Variants in ADD3 observed in about 807,000 individuals in gnomAD.
The protein encoded by ADD3 is adducin 3, also known as gamma-adducin.
ADD3 carries 25 observed loss-of-function variants against 80.2 expected under a neutral mutation model. The observed-to-expected ratio is 0.31, with a 90% CI of 0.23 to 0.44. ADD3 has a LOEUF of 0.44. Among genes scored for constraint, ADD3 ranks in the 20% least tolerant of loss-of-function variants. The pLI is 1.00. For missense variants in ADD3, 829 were observed against 847.5 expected (o/e 0.98, Z 0.27); for synonymous variants, 284 against 289.6 (o/e 0.98, Z 0.20).
chr10:110,032,688 A>G (rs1235055043), intron 1 of ADD3, among the ~76,000 whole-genome samples: 3 of 152,206 alleles, frequency 2.0e-5, no homozygotes, highest in African/African-American at 7.2e-5. Flanking sequence ...GTGTAACCTT[A>G]TGAAAGTGTT....
At chr10:110,015,589 T>A (rs1305702665) in intron 1 of ADD3, among the ~76,000 whole-genome samples, 2 of 152,118 alleles carry the variant, frequency 1.3e-5, no homozygotes, top group African/African-American at 4.8e-5. Context: ...TTAGCCCGGA[T>A]GGTCTCGATC....
intron 5 of ADD3, among the ~76,000 whole-genome samples, chr10:110,118,019 TACACACACACAC>T (rs148105742): frequency 0.083 from 10,416 of 125,596 alleles, 486 homozygotes; most frequent in East Asian, 0.16. Flanking sequence ...CTGTCTTCAA[TACACACACACAC>T]ACACACACAC....
At chr10:110,074,446 T>C (rs574080717) in intron 1 of ADD3, among the ~76,000 whole-genome samples, 34 of 152,250 alleles carry the variant, frequency 2.2e-4, no homozygotes, top group African/African-American at 7.7e-4. Flanking sequence ...GTCCTGTCTA[T>C]GTTGTATTTG....
intron 12 of ADD3, among the ~76,000 whole-genome samples, chr10:110,130,058 G>T (rs1852750096): frequency 2.6e-5 from 4 of 151,754 alleles, no homozygotes; most frequent in African/African-American, 9.7e-5. Flanking sequence ...TTTTTTTCAA[G>T]TTTTTTTTAT....
At chr10:109,997,453 A>C (rs1244900405) in intron 1 of ADD3, 1 of 152,248 alleles carries the variant, frequency 6.6e-6, no homozygotes, top group Non-Finnish European at 1.5e-5. Flanking sequence ...ACAGACCTGT[A>C]AATAGGGATA....
chr10:110,040,098 A>AG (rs1412428309), intron 1 of ADD3, among the ~76,000 whole-genome samples: 1 of 152,214 alleles, frequency 6.6e-6, no homozygotes, highest in Non-Finnish European at 1.5e-5. Context: ...GAATACCAGG[A>AG]GGATGGGATG....
At chr10:110,130,869 CAG>C (rs1852884941) in intron 13 of ADD3, among the ~76,000 whole-genome samples, 1 of 147,952 alleles carries the variant, frequency 6.8e-6, no homozygotes, top group Non-Finnish European at 1.5e-5. Flanking sequence ...AAAAAAAAAA[CAG>C]AAAAAGAAAA....
chr10:110,118,603 T>TA lies in ADD3; in HGVS notation c.585dup (p.Gly196ArgfsTer5), dbSNP rs1851077961. ...TTTTTCCAGGTGAAAGTCAATATAA[T>TA]AGGAGAAGTGGTTGACCAGGGAAGT... On this transcript the variant is annotated frameshift_variant, in exon 6 of 15. Transcript: ENST00000356080. LOFTEE classifies it high-confidence loss of function. The TA allele has an allele frequency of 6.2e-7, 1 of 1,613,706 alleles. No individual in the cohort carries two copies. Among genetic ancestry groups the TA allele is most frequent in the African/African-American group, 1.3e-5 (1 of 74,906 alleles).
In ADD3 at chr10:110,036,441, G is replaced by A. The variant is rs142957967; in HGVS notation, c.-30+28142G>A. Among the ~76,000 whole-genome samples the A allele has an allele frequency of 9.7e-5, 14 of 144,938 alleles. No homozygotes were observed. In the East Asian group the frequency reaches 2.8e-3, roughly 29 times the overall value. ...GTCGCCCGGGCTGGAGTGCAGTGGCGTGGTCTCAGCTCACTGCAAGCCCCG... is the reference window on the plus strand; with the variant it reads ...GTCGCCCGGGCTGGAGTGCAGTGGCATGGTCTCAGCTCACTGCAAGCCCCG... On this transcript the variant is annotated intron_variant, in intron 1 of 14. Transcript: ENST00000356080.
At chr10:110,090,598 T>C (rs1229364991) in intron 1 of ADD3, among the ~76,000 whole-genome samples, 2 of 152,224 alleles carry the variant, frequency 1.3e-5, no homozygotes, top group Admixed American at 6.5e-5. Context: ...ATCTAACTGC[T>C]TTGTTCCAAT....
rs779768563 is a variant in ADD3, at chr10:110,100,687, ACTC to A, written c.45_47del (p.Pro16del). 57 of 1,611,306 alleles carry A rather than the reference ACTC, an allele frequency of 3.5e-5. No homozygotes were observed. Among genetic ancestry groups the A allele is most frequent in the Middle Eastern group, 1.6e-4 (1 of 6,070 alleles). On this transcript the variant is annotated inframe_deletion, in exon 2 of 15. Transcript: ENST00000356080. Reference sequence around the variant, plus strand: ...AGATGCCAGCCAAGGCGTGATTACCACTCCTCCTCCTCCCAGCATGCCTCACAA... The same window carrying A: ...AGATGCCAGCCAAGGCGTGATTACCACTCCTCCTCCCAGCATGCCTCACAA...
At chr10:110,040,434 A>G (rs58446467) in intron 1 of ADD3, among the ~76,000 whole-genome samples, 44 of 152,344 alleles carry the variant, frequency 2.9e-4, no homozygotes, top group African/African-American at 9.6e-4. Context: ...GCCAATTAAT[A>G]TATGTACCCA....
At chr10:110,056,127 A>G (rs981915758) in intron 1 of ADD3, among the ~76,000 whole-genome samples, 3 of 152,250 alleles carry the variant, frequency 2.0e-5, no homozygotes, top group Admixed American at 6.5e-5. Flanking sequence ...TGTTAATGAG[A>G]TAACTAGCTG....
intron 1 of ADD3, among the ~76,000 whole-genome samples, chr10:110,063,737 T>TCA (rs1554926923): frequency 1.5e-5 from 1 of 64,658 alleles, no homozygotes; most frequent in Admixed American, 1.2e-4. Flanking sequence ...TATATATTCA[T>TCA]TATATATATA....
At chr10:110,017,116 C>T (rs115232676) in intron 1 of ADD3, among the ~76,000 whole-genome samples, 42 of 152,266 alleles carry the variant, frequency 2.8e-4, no homozygotes, top group African/African-American at 8.9e-4. Flanking sequence ...AAGATCGTAC[C>T]GTTAACAAAG....
chr10:110,063,362 A>G (rs531670879), intron 1 of ADD3, among the ~76,000 whole-genome samples: 2 of 152,212 alleles, frequency 1.3e-5, no homozygotes, highest in East Asian at 3.9e-4. Context: ...TTCAGACCTA[A>G]ATTTTCTTGA....
intron 1 of ADD3, among the ~76,000 whole-genome samples, chr10:110,055,235 C>CG (rs1302802658): frequency 1.3e-5 from 2 of 152,046 alleles, no homozygotes; most frequent in Non-Finnish European, 2.9e-5. Flanking sequence ...ACTTCTTGCC[C>CG]GGGTGTTCTG....
chr10:110,130,457 C>T lies in ADD3; in HGVS notation c.1703C>T (p.Thr568Ile), dbSNP rs183309874. 153 of 1,613,818 alleles carry T rather than the reference C, an allele frequency of 9.5e-5. No homozygotes were observed. Among genetic ancestry groups the T allele is most frequent in the African/African-American group, 7.2e-4 (54 of 75,018 alleles). The change falls in exon 13 of 15, where the codon ACA becomes ATA. Residue 568 changes from threonine to isoleucine, a missense_variant. By Grantham distance (89) the Thr-to-Ile change is moderately conservative. Transcript: ENST00000356080. ...TEGELEEYKR[T>I]IERKQQGLED... is the part of the protein sequence containing the mutation. ...GGAGAACTTGAAGAGTATAAGAGGA[C>T]AATCGAACGTAAACAACAAGGCCTA...
chr10:110,087,135 TCTC>T (rs1299823376), intron 1 of ADD3, among the ~76,000 whole-genome samples: 1 of 152,080 alleles, frequency 6.6e-6, no homozygotes, highest in Non-Finnish European at 1.5e-5. Flanking sequence ...TTCCAGCAAT[TCTC>T]CTGCCTCAGC....
Sources: allele counts gnomAD v4.1 joint callset (sites outside exome capture counted in the v4.1 genomes callset), GRCh38; gene constraint gnomAD v4.1.1; transcripts MANE v1.5; gene names NCBI Gene and HGNC (gene_info 2026-07-23, HGNC 2026-07-21).